PSMA1: variants seen among roughly 807,000 people sequenced by gnomAD.
PSMA1 encodes proteasome 20S subunit alpha 1.
Under a neutral mutation model 38.4 loss-of-function variants are expected in PSMA1, and 3 were observed. That is an observed-to-expected ratio of 0.08 (90% CI 0.04 to 0.20). The LOEUF is 0.20. PSMA1 is among the 10% of genes least tolerant of loss of function. PSMA1 has a pLI of 1.00. For synonymous variants in PSMA1, 101 were observed against 107.1 expected (o/e 0.94, Z 0.35); for missense variants, 227 against 325.3 (o/e 0.70, Z 2.32).
At chr11:14,517,323 A>G (rs972129374) in intron 4 of PSMA1, among the ~76,000 whole-genome samples, 3 of 152,246 alleles carry the variant, frequency 2.0e-5, no homozygotes, top group East Asian at 1.9e-4. Context: ...AGTGTGGTTC[A>G]GCTTGTCCTT....
At chr11:14,547,216 C>G (rs1851836213) in intron 2 of PSMA1, among the ~76,000 whole-genome samples, 1 of 152,200 alleles carries the variant, frequency 6.6e-6, no homozygotes. Flanking sequence ...CAAATCACCT[C>G]TATCATGTAA....
chr11:14,507,811 GA>G (rs1851271627), intron 8 of PSMA1, 45 bp from the exon 9 acceptor site: 1 of 1,211,810 alleles, frequency 8.3e-7, no homozygotes, highest in South Asian at 1.3e-5. Context: ...GAATTTGGAT[GA>G]AAAAATACAT....
At chr11:14,595,581 C>T (rs1176874906) in intron 2 of PSMA1, among the ~76,000 whole-genome samples, 1 of 152,016 alleles carries the variant, frequency 6.6e-6, no homozygotes, top group African/African-American at 2.4e-5. Context: ...ATATCCTTTA[C>T]CCACTTTTTG....
At chr11:14,544,725 C>T (rs1421955984) in intron 2 of PSMA1, among the ~76,000 whole-genome samples, 1 of 152,134 alleles carries the variant, frequency 6.6e-6, no homozygotes, top group Non-Finnish European at 1.5e-5. Context: ...AAACCACTGC[C>T]AGTAGTAACA....
chr11:14,516,915 C>A (rs2134148991), intron 4 of PSMA1, among the ~76,000 whole-genome samples: 1 of 152,110 alleles, frequency 6.6e-6, no homozygotes, highest in African/African-American at 2.4e-5. Flanking sequence ...GAGAGTGAGA[C>A]TCCATCTCAA....
intron 2 of PSMA1, among the ~76,000 whole-genome samples, chr11:14,542,123 T>C (rs376163948): frequency 3.3e-5 from 5 of 152,272 alleles, no homozygotes; most frequent in South Asian, 4.1e-4. Flanking sequence ...TATTAAAAAT[T>C]CTCTATACCA....
intron 2 of PSMA1, among the ~76,000 whole-genome samples, chr11:14,598,618 T>G (rs1371042485): frequency 6.9e-6 from 1 of 145,098 alleles, no homozygotes; most frequent in Non-Finnish European, 1.5e-5. Flanking sequence ...CCTTCCCTTA[T>G]TTTGAGCCTA....
chr11:14,637,153 C>T (rs942516323), intron 1 of PSMA1, among the ~76,000 whole-genome samples: 4 of 152,168 alleles, frequency 2.6e-5, no homozygotes, highest in African/African-American at 9.7e-5. Context: ...TATCCAGTCT[C>T]ATTTTCCCAT....
chr11:14,553,039 G>T (rs564279383), intron 2 of PSMA1, among the ~76,000 whole-genome samples: 3 of 152,110 alleles, frequency 2.0e-5, no homozygotes, highest in Admixed American at 2.0e-4. Context: ...TGCCCAGGCT[G>T]ATCTCGAATT....
intron 2 of PSMA1, among the ~76,000 whole-genome samples, chr11:14,558,989 C>T (rs1453181773): frequency 1.3e-5 from 2 of 152,174 alleles, no homozygotes; most frequent in Non-Finnish European, 2.9e-5. Flanking sequence ...TCAGCCAGAC[C>T]ACCAATTTGC....
intron 2 of PSMA1, among the ~76,000 whole-genome samples, chr11:14,570,091 C>A (rs986242863): frequency 3.3e-5 from 5 of 152,178 alleles, no homozygotes; most frequent in African/African-American, 1.2e-4. Context: ...GATACCCAGA[C>A]AAAGAGGATT....
chr11:14,626,725 T>G (rs1436356938), intron 1 of PSMA1, among the ~76,000 whole-genome samples: 2 of 152,234 alleles, frequency 1.3e-5, no homozygotes. Flanking sequence ...AAAGGCTTTG[T>G]AAATTATAAA....
rs1019282105 is a variant in PSMA1, at chr11:14,534,743, G to A, written c.22-15702C>T. Among the ~76,000 whole-genome samples the A allele has an allele frequency of 5.3e-5, 8 of 150,922 alleles. No individual in the cohort carries two copies. The highest frequency in any genetic ancestry group is 1.9e-4 in the East Asian group (1 of 5,148). ...AATATGTGTAACATGTATATACATCGTGTGTACATATGCATATTTAAAAAA... is the reference window on the plus strand; with the variant it reads ...AATATGTGTAACATGTATATACATCATGTGTACATATGCATATTTAAAAAA... On this transcript the variant is annotated intron_variant, in intron 2 of 10. Coordinates refer to the PSMA1 transcript ENST00000418988. The surrounding 1 kb of genome is among the most constrained non-coding windows in gnomAD (Gnocchi z 4.5).
chr11:14,631,377 G>A (rs1448256588), intron 1 of PSMA1, among the ~76,000 whole-genome samples: 4 of 151,888 alleles, frequency 2.6e-5, no homozygotes, highest in African/African-American at 7.3e-5. Context: ...CTTTGTTCTC[G>A]TTGGTTTCAA....
intron 4 of PSMA1, among the ~76,000 whole-genome samples, chr11:14,515,878 C>A (rs1851417310): frequency 6.6e-6 from 1 of 151,650 alleles, no homozygotes; most frequent in Non-Finnish European, 1.5e-5. Flanking sequence ...CATAGCATTA[C>A]TATTTACACT....
intron 2 of PSMA1, among the ~76,000 whole-genome samples, chr11:14,560,252 C>T (rs1290868993): frequency 4.6e-5 from 7 of 152,174 alleles, no homozygotes; most frequent in African/African-American, 1.7e-4. Context: ...GCACAAGTTC[C>T]AGGAACAGTT....
In PSMA1 at chr11:14,635,408, G is replaced by A. The variant is rs577934790; in HGVS notation, c.-166+8047C>T. On this transcript the variant is annotated intron_variant, in intron 1 of 10. Transcript: ENST00000418988. ...GACCATGCTAGAGAGTTGTCACTGGGAACAGTCCAAGCATAATTCTAGTGA... is the reference window on the plus strand; with the variant it reads ...GACCATGCTAGAGAGTTGTCACTGGAAACAGTCCAAGCATAATTCTAGTGA... Among the ~76,000 whole-genome samples the A allele has an allele frequency of 3.3e-5, 5 of 152,260 alleles. No homozygotes were observed. In the East Asian group the frequency reaches 9.7e-4, roughly 29 times the overall value.
intron 2 of PSMA1, among the ~76,000 whole-genome samples, chr11:14,571,246 G>A (rs1852136905): frequency 6.6e-6 from 1 of 152,118 alleles, no homozygotes; most frequent in Non-Finnish European, 1.5e-5. Context: ...GTATTTTTTA[G>A]TAGAGATGGC....
At chr11:14,631,748 C>T (rs1853015602) in intron 1 of PSMA1, among the ~76,000 whole-genome samples, 1 of 152,170 alleles carries the variant, frequency 6.6e-6, no homozygotes, top group African/African-American at 2.4e-5. Flanking sequence ...ATTGATGTGT[C>T]TAATGTTGAC....
Sources: allele counts gnomAD v4.1 joint callset (sites outside exome capture counted in the v4.1 genomes callset), GRCh38; gene constraint gnomAD v4.1.1; non-coding constraint Gnocchi (gnomAD v3.1); transcripts MANE v1.5; gene names NCBI Gene and HGNC (gene_info 2026-07-23, HGNC 2026-07-21).